The following SYNE2 variants were observed in gnomAD, a reference collection of about 807,000 sequenced individuals.
SYNE2 encodes the protein spectrin repeat containing nuclear envelope protein 2.
Under a neutral mutation model 856.3 loss-of-function variants are expected in SYNE2, and 431 were observed. The ratio of observed to expected loss-of-function variants is 0.50; its 90% CI spans 0.47 to 0.55. The LOEUF is 0.55. Ranked by LOEUF, SYNE2 falls within the 20% of genes least tolerant of loss-of-function variation. SYNE2 has a pLI of 0.00. For missense variants in SYNE2, 8,129 were observed against 8,023.2 expected (o/e 1.01, Z -0.50); for synonymous variants, 2,923 against 2,872.3 (o/e 1.02, Z -0.56).
chr14:64,219,960 G>T (rs1272684767), intron 110 of SYNE2, among the ~76,000 whole-genome samples: 1 of 152,214 alleles, frequency 6.6e-6, no homozygotes, highest in African/African-American at 2.4e-5. Context: ...CGCTTTAAGG[G>T]TGCCATGAGC....
intron 43 of SYNE2, 110 bp downstream of exon 43, chr14:64,027,903 A>G (rs1594960571): frequency 5.6e-6 from 5 of 891,060 alleles, no homozygotes; most frequent in Admixed American, 2.7e-5. Context: ...GTTTTATTTT[A>G]TTTTATTTTA....
At chr14:63,974,961 C>G (rs2096530448) in intron 11 of SYNE2, among the ~76,000 whole-genome samples, 1 of 142,286 alleles carries the variant, frequency 7.0e-6, no homozygotes, top group Non-Finnish European at 1.5e-5. Flanking sequence ...GGCTGGAGTA[C>G]AGTGGTGCGA....
At chr14:64,224,812 T>G (rs2098711100) in intron 114 of SYNE2, among the ~76,000 whole-genome samples, 187 bp from the exon 115 acceptor site, 1 of 152,172 alleles carries the variant, frequency 6.6e-6, no homozygotes, top group South Asian at 2.1e-4. Flanking sequence ...TGAAACTGAG[T>G]AGATTAACCT....
intron 1 of SYNE2, among the ~76,000 whole-genome samples, chr14:63,832,866 CAAAAAAAA>C (rs36099684): frequency 0.017 from 1,125 of 64,766 alleles, 14 homozygotes; most frequent in Middle Eastern, 0.09. Flanking sequence ...CTGTCTCTAC[CAAAAAAAA>C]AAAAAAAAAA....
chr14:64,123,202 A>C (rs59585806), intron 70 of SYNE2, among the ~76,000 whole-genome samples: 5,721 of 152,114 alleles, frequency 0.038, 328 homozygotes, highest in African/African-American at 0.13. Flanking sequence ...GCCTGTGCCG[A>C]TGGCACTGGC....
In SYNE2 at chr14:64,141,945, C is replaced by G. The variant is rs1595801085; in HGVS notation, c.15163C>G (p.Gln5055Glu). 5.6e-6 allele frequency: 9 copies of G among 1,613,902 alleles called. No individual in the cohort carries two copies. Among genetic ancestry groups the G allele is most frequent in the Non-Finnish European group, 7.6e-6 (9 of 1,179,954 alleles). The change falls in exon 82 of 116, where the codon CAA (glutamine) becomes GAA (glutamate). Residue 5055 changes from glutamine (Q) to glutamate (E), a missense_variant. This residue lies in a region of SYNE2 where 5,410 missense variants were observed against 5,284.8 expected (regional missense o/e 1.02). Coordinates refer to ENST00000555002, the MANE Select transcript of SYNE2 (RefSeq NM_182914.3). Reference protein sequence around the residue: ...PDIQEKLHQLQMEKLPSRKAI... With the variant: ...PDIQEKLHQLEMEKLPSRKAI... ...GGAAATCATTTTGTTCTTACAGCTT[C>G]AAATGGAGAAATTGCCGTCTCGTAA... is the stretch of plus-strand genomic sequence containing the variant.
At chr14:64,049,440 A>ATAATAG (rs1325719377) in intron 46 of SYNE2, among the ~76,000 whole-genome samples, 171 bp from the exon 47 acceptor site, 1 of 148,070 alleles carries the variant, frequency 6.8e-6, no homozygotes, top group Admixed American at 6.8e-5. Context: ...AATAATAATA[A>ATAATAG]TAATAATAAT....
chr14:63,990,324 T>C, intron 19 of SYNE2, 87 bp from the exon 20 acceptor site: 1 of 1,371,746 alleles, frequency 7.3e-7, no homozygotes, highest in Non-Finnish European at 1.0e-6. Context: ...AATAATGAAC[T>C]TTTTTGGTTT....
intron 7 of SYNE2, among the ~76,000 whole-genome samples, chr14:63,952,597 T>C (rs1419187445): frequency 6.6e-6 from 1 of 152,204 alleles, no homozygotes; most frequent in Non-Finnish European, 1.5e-5. Context: ...TCTCTTTGTG[T>C]TCCAATTTCT....
intron 1 of SYNE2, among the ~76,000 whole-genome samples, chr14:63,890,326 G>A (rs2095102439): frequency 6.6e-6 from 1 of 152,104 alleles, no homozygotes; most frequent in Non-Finnish European, 1.5e-5. Flanking sequence ...GCCTCCCAAA[G>A]TGCTGGGATT....
intron 32 of SYNE2, among the ~76,000 whole-genome samples, chr14:64,013,087 G>A (rs1287050959): frequency 3.3e-5 from 5 of 152,174 alleles, no homozygotes; most frequent in Non-Finnish European, 2.9e-5. Flanking sequence ...AGTGGGCCTA[G>A]TTCCCTTTAT....
At chr14:64,107,684 T>C in intron 65 of SYNE2, 77 bp downstream of exon 65, 1 of 1,106,524 alleles carries the variant, frequency 9.0e-7, no homozygotes, top group Non-Finnish European at 1.4e-6. Context: ...TTCTGTGTCC[T>C]GCAATACCTT....
chr14:64,016,562 T>C lies in SYNE2; in HGVS notation c.4818T>C (p.Asn1606=), dbSNP rs1185568997. 6.2e-7 allele frequency: 1 copy of C among 1,604,120 alleles called. No homozygotes were observed. Among genetic ancestry groups the C allele is most frequent in the East Asian group, 2.2e-5 (1 of 44,632 alleles). ...QVCKNLQFYL[N]KMKTFEEPPF... The stretch of plus-strand genomic sequence containing the variant: ...GCAAAAATCTACAATTTTATCTAAA[T>C]AAAATGAAAACTTTTGAAGAGCCCC... Residue 1606 remains asparagine, a synonymous_variant, in exon 33 of 116, where the codon AAT becomes AAC. Transcript: ENST00000555002.
chr14:64,137,032 C>A (rs911571522), intron 78 of SYNE2, among the ~76,000 whole-genome samples: 8 of 152,210 alleles, frequency 5.3e-5, no homozygotes, highest in African/African-American at 1.9e-4. Context: ...AGTTTTCCCA[C>A]AGACACTGGC....
chr14:63,824,855 C>G (rs1889360664), intron 1 of SYNE2, among the ~76,000 whole-genome samples: 1 of 151,668 alleles, frequency 6.6e-6, no homozygotes, highest in Non-Finnish European at 1.5e-5. Flanking sequence ...GGGACAGATG[C>G]CTGGGCGCAG....
chr14:63,960,647 C>A (rs897604931), intron 8 of SYNE2: 2 of 630,378 alleles, frequency 3.2e-6, no homozygotes, highest in African/African-American at 1.8e-5. Context: ...TTGTTTAGGT[C>A]AAGAAACACC....
chr14:64,021,382 G>A lies in SYNE2; in HGVS notation c.5219G>A (p.Cys1740Tyr). Residue 1740 changes from cysteine (C) to tyrosine (Y), a missense_variant, in exon 36 of 116, where the codon TGC becomes TAC. Cys to Tyr is a radical substitution (Grantham distance 194, BLOSUM62 -2). Coordinates refer to ENST00000555002, the MANE Select transcript of SYNE2 (RefSeq NM_182914.3). ...AAGTGCTTAACAGGAGAATCCAACT[G>A]CCATGCACTCAGTGGCAGCACTGCT... is the stretch of plus-strand genomic sequence containing the variant. ...VQKCLTGESN[C>Y]HALSGSTAEL... 1.9e-6 allele frequency: 3 copies of A among 1,614,122 alleles called. No homozygotes were observed. Among genetic ancestry groups the A allele is most frequent in the South Asian group, 1.1e-5 (1 of 91,080 alleles).
rs1329450245 is a variant in SYNE2, at chr14:64,081,454, G to A, written c.11358G>A (p.Lys3786=). The A allele has an allele frequency of 6.2e-7, 1 of 1,614,068 alleles. No individual in the cohort carries two copies. The change falls in exon 57 of 116, where the codon AAG becomes AAA. Residue 3786 remains lysine (K), a synonymous_variant. Coordinates refer to ENST00000555002, the MANE Select transcript of SYNE2 (RefSeq NM_182914.3). ...CATCTCTTTCCCAGGCCACAGTTAA[G>A]ATGGAGGAATATAGTGACCTTCTGA... The part of the protein sequence containing the change: ...RTSQLNKATV[K]MEEYSDLLKS...
rs1403414034 is a variant in SYNE2, at chr14:64,053,312, A to G, written c.9399A>G (p.Leu3133=). The G allele has an allele frequency of 6.2e-7, 1 of 1,610,920 alleles. No homozygotes were observed. Among genetic ancestry groups the G allele is most frequent in the African/African-American group, 1.3e-5 (1 of 74,690 alleles). Residue 3133 remains leucine, a synonymous_variant, in exon 48 of 116, where the codon TTA becomes TTG. Transcript: ENST00000555002. ...TGAATGCAGAAGAAAATGATAAGTT[A>G]TACAAAGTTCTCCAAAACATGGTAT... is the stretch of plus-strand genomic sequence containing the variant. ...IKLNAEENDK[L]YKVLQNMVLE...
Sources: gnomAD v4.1 joint callset for allele counts (sites outside exome capture counted in the v4.1 genomes callset) on GRCh38, gnomAD v4.1.1 for gene constraint, gnomAD v4.1.1 regional missense constraint, MANE v1.5 for transcripts, NCBI Gene and HGNC (gene_info 2026-07-23, HGNC 2026-07-21) for gene names.